ADARB2: variants seen among roughly 807,000 people sequenced by gnomAD.
ADARB2 encodes inactive double-stranded RNA-specific editase B2.
A neutral mutation model predicts 62.2 loss-of-function variants in ADARB2; 25 were observed. The observed-to-expected ratio is 0.40, with a 90% CI of 0.29 to 0.56. The LOEUF is 0.56. Ranked by LOEUF, ADARB2 falls within the 20% of genes least tolerant of loss-of-function variation. The pLI is 0.43. For synonymous variants in ADARB2, 572 were observed against 500.8 expected (o/e 1.14, Z -1.90); for missense variants, 1,071 against 1,077.4 (o/e 0.99, Z 0.08).
intron 6 of ADARB2, among the ~76,000 whole-genome samples, chr10:1,217,452 G>A (rs1371980847): frequency 6.6e-6 from 1 of 152,220 alleles, no homozygotes; most frequent in African/African-American, 2.4e-5. Flanking sequence ...GGGCCACCGC[G>A]TCCTCAATGC....
intron 1 of ADARB2, among the ~76,000 whole-genome samples, chr10:1,663,242 A>T (rs1834271623): frequency 6.6e-6 from 1 of 152,252 alleles, no homozygotes; most frequent in South Asian, 2.1e-4. Flanking sequence ...TACTATTAAC[A>T]TCTTGCATCC....
chr10:1,359,307 G>T (rs1362128821), intron 3 of ADARB2, among the ~76,000 whole-genome samples: 5 of 152,168 alleles, frequency 3.3e-5, no homozygotes, highest in Non-Finnish European at 7.3e-5. Context: ...AACCCTACAT[G>T]TTTAGGTCTG....
intron 6 of ADARB2, 106 bp from the exon 7 acceptor site, chr10:1,217,225 A>G: frequency 8.5e-7 from 1 of 1,173,616 alleles, no homozygotes; most frequent in Non-Finnish European, 1.2e-6. Flanking sequence ...GCCCCTCACC[A>G]TGGCTGGGCG....
chr10:1,554,833 G>A (rs541675501), intron 1 of ADARB2, among the ~76,000 whole-genome samples: 4 of 152,176 alleles, frequency 2.6e-5, no homozygotes, highest in Admixed American at 1.3e-4. Context: ...GGATATGAAC[G>A]ATCTCGTGCC....
intron 7 of ADARB2, among the ~76,000 whole-genome samples, chr10:1,210,546 A>G (rs534536452): frequency 6.6e-6 from 1 of 152,352 alleles, no homozygotes; most frequent in Admixed American, 6.5e-5. Context: ...AGCAGAAGAC[A>G]CGTGCTTCGC....
intron 8 of ADARB2, among the ~76,000 whole-genome samples, chr10:1,189,863 C>G (rs1836815830): frequency 1.7e-5 from 2 of 116,876 alleles, no homozygotes; most frequent in South Asian, 6.6e-4. Flanking sequence ...GAACACGTGG[C>G]GCTACCTCCT....
rs1377721094 is a variant in ADARB2 at position 1,365,303 on chromosome 10, G to A, written c.188-1386C>T. Among the ~76,000 whole-genome samples, 5 of 152,076 alleles carry A rather than the reference G, an allele frequency of 3.3e-5. No homozygotes were observed. In the South Asian group the frequency reaches 6.2e-4, roughly 19 times the overall value. ...GTCATGGATCGCACCCACTTAAGACGGCAAACTTAGGAACTGTTGTGAGTG... is the reference window on the plus strand; with the variant it reads ...GTCATGGATCGCACCCACTTAAGACAGCAAACTTAGGAACTGTTGTGAGTG... On this transcript the variant is annotated intron_variant, in intron 2 of 9. Transcript: ENST00000381312.
intron 7 of ADARB2, among the ~76,000 whole-genome samples, chr10:1,207,508 CA>C (rs1435582970): frequency 6.6e-6 from 1 of 152,138 alleles, no homozygotes. Flanking sequence ...GTCAACAAAT[CA>C]TGGAGGAAGG....
At chr10:1,648,672 T>C (rs1834074430) in intron 1 of ADARB2, among the ~76,000 whole-genome samples, 1 of 152,168 alleles carries the variant, frequency 6.6e-6, no homozygotes, top group Non-Finnish European at 1.5e-5. Flanking sequence ...GAGCTGCCTT[T>C]CTATTTTACG....
chr10:1,524,107 A>AT, intron 1 of ADARB2, among the ~76,000 whole-genome samples: 1 of 147,812 alleles, frequency 6.8e-6, no homozygotes, highest in Non-Finnish European at 1.5e-5. Flanking sequence ...GATAGATTAG[A>AT]GAGAGAGAGA....
chr10:1,696,796 C>T (rs1834751800), intron 1 of ADARB2, among the ~76,000 whole-genome samples: 1 of 152,156 alleles, frequency 6.6e-6, no homozygotes, highest in African/African-American at 2.4e-5. Flanking sequence ...AAGGTGGATG[C>T]AGGTGACCCT....
intron 3 of ADARB2, among the ~76,000 whole-genome samples, chr10:1,303,873 A>G (rs1228330265): frequency 1.3e-5 from 2 of 151,826 alleles, no homozygotes; most frequent in East Asian, 1.9e-4. Flanking sequence ...TCCTGGAGGA[A>G]GCACTAAACA....
intron 6 of ADARB2, among the ~76,000 whole-genome samples, chr10:1,233,448 G>A (rs551769113): frequency 6.6e-6 from 1 of 152,304 alleles, no homozygotes; most frequent in South Asian, 2.1e-4. Flanking sequence ...TATTAAAGCA[G>A]AGAACTATGG....
At chr10:1,234,886 T>A (rs1433293776) in intron 5 of ADARB2, among the ~76,000 whole-genome samples, 2 of 151,720 alleles carry the variant, frequency 1.3e-5, no homozygotes, top group Non-Finnish European at 2.9e-5. Flanking sequence ...GTAGTTGGGA[T>A]TACAGGTGCA....
chr10:1,368,356 C>T (rs561102728), intron 2 of ADARB2, among the ~76,000 whole-genome samples: 1 of 152,268 alleles, frequency 6.6e-6, no homozygotes, highest in South Asian at 2.1e-4. Flanking sequence ...TTTGAAAACA[C>T]AGCAGGGAAA....
In ADARB2 at chr10:1,426,803, C is replaced by T. The variant is rs1334952146; in HGVS notation, c.101-47643G>A. Among the ~76,000 whole-genome samples the T allele has an allele frequency of 6.6e-6, 1 of 152,210 alleles. No individual in the cohort carries two copies. The highest frequency in any genetic ancestry group is 1.5e-5 in the Non-Finnish European group (1 of 68,034). On this transcript the variant is annotated intron_variant, in intron 1 of 9. Transcript: ENST00000381312. The surrounding 1 kb of genome is among the most constrained non-coding windows in gnomAD (Gnocchi z 4.1). ...ACGGCGCTTACTCCACCACTGCATC[C>T]CTTCTATACCCTGCTTCTCCCTTCA...
intron 1 of ADARB2, among the ~76,000 whole-genome samples, chr10:1,629,473 C>G (rs1295754275): frequency 6.6e-6 from 1 of 151,840 alleles, no homozygotes; most frequent in Non-Finnish European, 1.5e-5. Flanking sequence ...CGCCAGCGCC[C>G]AACCCCGCCC....
chr10:1,265,052 C>G (rs943663177), intron 4 of ADARB2, among the ~76,000 whole-genome samples: 1 of 152,320 alleles, frequency 6.6e-6, no homozygotes, highest in Middle Eastern at 3.4e-3. Context: ...TGGTCACCAC[C>G]GGGCCTTGAT....
At chr10:1,219,049 CAAAAAAA>C (rs58282140) in intron 6 of ADARB2, among the ~76,000 whole-genome samples, 22 of 103,584 alleles carry the variant, frequency 2.1e-4, no homozygotes, top group African/African-American at 1.8e-4. Flanking sequence ...GACTACGTCT[CAAAAAAA>C]AAAAAAAAAA....
Sources: gnomAD v4.1 joint callset for allele counts (sites outside exome capture counted in the v4.1 genomes callset) on GRCh38, gnomAD v4.1.1 for gene constraint, Gnocchi (gnomAD v3.1) non-coding constraint, MANE v1.5 for transcripts, NCBI Gene and HGNC (gene_info 2026-07-23, HGNC 2026-07-21) for gene names.